Variants in GPR161 observed in about 807,000 individuals in gnomAD.
GPR161 encodes the protein G protein-coupled receptor 161, also known as G-protein coupled receptor RE2.
In GPR161, 25 loss-of-function variants were observed where a neutral mutation model predicts 39.2. That is an observed-to-expected ratio of 0.64 (90% CI 0.47 to 0.89). The LOEUF is 0.89. GPR161 is among the 40% of genes least tolerant of loss of function. GPR161 has a pLI of 0.00. For synonymous variants in GPR161, 286 were observed against 276.6 expected (o/e 1.03, Z -0.34); for missense variants, 547 against 677.8 (o/e 0.81, Z 2.14).
At chr1:168,119,807 T>A (rs1698009107) in intron 1 of GPR161, among the ~76,000 whole-genome samples, 1 of 152,108 alleles carries the variant, frequency 6.6e-6, no homozygotes, top group South Asian at 2.1e-4. Flanking sequence ...TTTCAGTGGG[T>A]GCAAGCCCCA....
In GPR161 at chr1:168,104,387, C is replaced by G. The variant is rs1430397744; in HGVS notation, c.374+90G>C. The G allele has an allele frequency of 3.6e-6, 4 of 1,099,578 alleles. No homozygotes were observed. In the African/African-American group the frequency reaches 4.6e-5, roughly 13 times the overall value. 68.1% of individuals were successfully genotyped at this position (1,099,578 alleles called of 1,614,324 possible). A position where few individuals can be genotyped will look rare whatever the true frequency, so the allele number is the denominator to read the frequency against. ...TCCCCCAGCAAGGGCCCCTGACACT[C>G]TCCAGGGAACTAAGGCAGTCAGAGG... is the stretch of plus-strand genomic sequence containing the variant. On this transcript the variant is annotated intron_variant, in intron 2 of 5. Coordinates refer to ENST00000682931, the MANE Select transcript of GPR161 (RefSeq NM_001375883.1).
At chr1:168,104,958 T>C in intron 1 of GPR161, 64 bp from the exon 2 acceptor site, 1 of 1,340,130 alleles carries the variant, frequency 7.5e-7, no homozygotes, top group South Asian at 1.3e-5. Flanking sequence ...GTCTCCACCT[T>C]AGGGAAGAAA....
rs577443190 is a variant in GPR161, at chr1:168,127,110, A to G, written c.-45+9629T>C. The stretch of plus-strand genomic sequence containing the variant: ...TAAAAGTACGAGCAAAAAGGTTGTC[A>G]GAAGATAAACTCAAGGAATGTTTAC... On this transcript the variant is annotated intron_variant, in intron 1 of 5. Coordinates refer to ENST00000682931, the MANE Select transcript of GPR161 (RefSeq NM_001375883.1). 4.8e-4 allele frequency among the ~76,000 whole-genome samples: 73 copies of G among 152,370 alleles called. 1 individual carries two copies. Among genetic ancestry groups the G allele is most frequent in the African/African-American group, 1.7e-3 (71 of 41,588 alleles).
chr1:168,137,481 C>G (rs1269686174), upstream of GPR161: 32 of 1,222,782 alleles, frequency 2.6e-5, no homozygotes, highest in East Asian at 5.1e-5. Context: ...GAATTCGTCC[C>G]GAAGCCAGCC....
intron 5 of GPR161, among the ~76,000 whole-genome samples, chr1:168,086,765 G>A (rs947529549): frequency 6.6e-5 from 10 of 152,220 alleles, no homozygotes; most frequent in African/African-American, 2.2e-4. Context: ...TCTATAATCT[G>A]CTTTGCCAGT....
At chr1:168,113,675 T>C (rs1697402289) in intron 1 of GPR161, among the ~76,000 whole-genome samples, 1 of 152,238 alleles carries the variant, frequency 6.6e-6, no homozygotes, top group Non-Finnish European at 1.5e-5. Context: ...GAGATCATAC[T>C]CTTTGTAGGG....
intron 1 of GPR161, among the ~76,000 whole-genome samples, chr1:168,113,340 C>A (rs1697374321): frequency 6.6e-6 from 1 of 152,184 alleles, no homozygotes; most frequent in Admixed American, 6.5e-5. Flanking sequence ...CAGAAATTAT[C>A]CCTGAGAAAG....
Position 168,096,647 on chromosome 1 carries a change from G to A in GPR161, c.960C>T (p.His320=). 1.2e-6 allele frequency: 2 copies of A among 1,614,192 alleles called. No homozygotes were observed. Among genetic ancestry groups the A allele is most frequent in the African/African-American group, 1.3e-5 (1 of 75,050 alleles). ...TWLSFASAVC[H]PLIYGLWNKT... is the part of the protein sequence containing the mutation. ...TGTTCCAGAGTCCATAGATCAGGGGGTGGCAGACAGCGCTGGCAAAGGACA... is the reference window on the plus strand; with the variant it reads ...TGTTCCAGAGTCCATAGATCAGGGGATGGCAGACAGCGCTGGCAAAGGACA... The change falls in exon 3 of 6, where the codon CAC becomes CAT. Residue 320 remains histidine, a synonymous_variant. Coordinates refer to ENST00000682931, the MANE Select transcript of GPR161 (RefSeq NM_001375883.1).
At chr1:168,113,107 C>G (rs1697357633) in intron 1 of GPR161, among the ~76,000 whole-genome samples, 3 of 152,118 alleles carry the variant, frequency 2.0e-5, no homozygotes. Context: ...CCAGAGGAGG[C>G]TTCCTGGCAG....
Position 168,085,406 on chromosome 1 carries a change from G to T in GPR161, c.*125C>A. 1 of 849,212 alleles carries T rather than the reference G, an allele frequency of 1.2e-6. No individual in the cohort carries two copies. Among genetic ancestry groups the T allele is most frequent in the Non-Finnish European group, 1.9e-6 (1 of 533,258 alleles). The allele number at this position is 849,212 out of a possible 1,614,324, so 52.6% of individuals were successfully genotyped here. The stretch of plus-strand genomic sequence containing the variant: ...TCCTGGTGGCTGCATACCAGATGCT[G>T]CTCCTTCCCTGTGTGTGGCCAGCTG... On this transcript the variant is annotated 3_prime_UTR_variant, in exon 6 of 6. Transcript: ENST00000682931.
intron 1 of GPR161, chr1:168,136,143 A>G: frequency 7.9e-7 from 1 of 1,262,162 alleles, no homozygotes; most frequent in Non-Finnish European, 1.0e-6. Context: ...CGCAGATCTG[A>G]GGGGCAGAGC....
chr1:168,136,216 G>A (rs1278263822), intron 1 of GPR161: 1 of 1,285,096 alleles, frequency 7.8e-7, no homozygotes, highest in Non-Finnish European at 9.9e-7. Flanking sequence ...CAGGCTCGGG[G>A]AGACAGCGCC....
At chr1:168,102,754 C>G (rs937120309) in intron 2 of GPR161, among the ~76,000 whole-genome samples, 1 of 151,886 alleles carries the variant, frequency 6.6e-6, no homozygotes, top group Admixed American at 6.6e-5. Flanking sequence ...GACCAGCTCT[C>G]CATCTCTGCA....
chr1:168,087,565 A>G lies in GPR161; in HGVS notation c.1324+20T>C, dbSNP rs764277023. Reference sequence around the variant, plus strand: ...CCGTTTCCCTATGTTTTCTTGAAGCAATCAGTCACAGAAGCCAACCTTTGA... The same window carrying G: ...CCGTTTCCCTATGTTTTCTTGAAGCGATCAGTCACAGAAGCCAACCTTTGA... On this transcript the variant is annotated intron_variant, in intron 5 of 5. Transcript: ENST00000682931. 6.2e-7 allele frequency: 1 copy of G among 1,613,776 alleles called. No individual in the cohort carries two copies. The highest frequency in any genetic ancestry group is 1.7e-5 in the Admixed American group (1 of 60,024).
At chr1:168,091,590 T>G (rs1695072397) in intron 3 of GPR161, among the ~76,000 whole-genome samples, 1 of 152,032 alleles carries the variant, frequency 6.6e-6, no homozygotes, top group African/African-American at 2.4e-5. Flanking sequence ...GCCCTCGTTA[T>G]TAGAGGTGAA....
rs187044827 is a variant in GPR161, at chr1:168,115,845, G to A, written c.-44-10951C>T. Among the ~76,000 whole-genome samples, 228 of 151,404 alleles carry A rather than the reference G, an allele frequency of 1.5e-3. 3 individuals are homozygous for A. The East Asian group carries it at 0.038, about 25-fold the overall frequency. ...GGCTGGAGTGCAGTGGCGCGATCTC[G>A]GCTCACTGCAAGCTCCACCTCCCGG... On this transcript the variant is annotated intron_variant, in intron 1 of 5. Coordinates refer to ENST00000682931, the MANE Select transcript of GPR161 (RefSeq NM_001375883.1).
chr1:168,124,819 A>G (rs1282117541), intron 1 of GPR161, among the ~76,000 whole-genome samples: 1 of 152,150 alleles, frequency 6.6e-6, no homozygotes, highest in African/African-American at 2.4e-5. Context: ...GAGCTCATGC[A>G]AAGTGTGGTA....
chr1:168,093,113 T>C (rs1286258590), intron 3 of GPR161, among the ~76,000 whole-genome samples: 1 of 152,186 alleles, frequency 6.6e-6, no homozygotes, highest in Non-Finnish European at 1.5e-5. Flanking sequence ...CAGCTTTGTA[T>C]TGGTGCTTTA....
At chr1:168,131,643 G>C (rs1354178760) in intron 1 of GPR161, among the ~76,000 whole-genome samples, 1 of 152,092 alleles carries the variant, frequency 6.6e-6, no homozygotes, top group Non-Finnish European at 1.5e-5. Context: ...GAAAATTTAG[G>C]AAAATTTACT....
Sources: allele counts gnomAD v4.1 joint callset (sites outside exome capture counted in the v4.1 genomes callset), GRCh38; gene constraint gnomAD v4.1.1; transcripts MANE v1.5; gene names NCBI Gene and HGNC (gene_info 2026-07-23, HGNC 2026-07-21).